ADGRL3: variants seen among roughly 807,000 people sequenced by gnomAD.
The protein encoded by ADGRL3 is calcium-independent alpha-latrotoxin receptor 3.
In ADGRL3, 62 loss-of-function variants were observed where a neutral mutation model predicts 153.5. The ratio of observed to expected loss-of-function variants is 0.40; its 90% CI spans 0.33 to 0.50. ADGRL3 has a LOEUF of 0.50. ADGRL3 is among the 20% of genes least tolerant of loss of function. ADGRL3 has a pLI of 0.47. For synonymous variants in ADGRL3, 710 were observed against 672.5 expected (o/e 1.06, Z -0.86); for missense variants, 1,641 against 1,859.4 (o/e 0.88, Z 2.16).
At chr4:61,899,035 C>A (rs892166226) in intron 11 of ADGRL3, among the ~76,000 whole-genome samples, 3 of 152,070 alleles carry the variant, frequency 2.0e-5, no homozygotes, top group African/African-American at 7.2e-5. Flanking sequence ...TCCCAGGTAG[C>A]CTTCTCCTGT....
At chr4:61,695,964 T>C (rs2095635532) in intron 6 of ADGRL3, among the ~76,000 whole-genome samples, 1 of 152,108 alleles carries the variant, frequency 6.6e-6, no homozygotes, top group African/African-American at 2.4e-5. Context: ...TCCTCACCTC[T>C]CTCAGCCTTC....
chr4:61,317,640 T>A (rs73825110), intron 1 of ADGRL3, among the ~76,000 whole-genome samples: 5,008 of 152,200 alleles, frequency 0.033, 165 homozygotes, highest in African/African-American at 0.082. Flanking sequence ...GAAATGTGAA[T>A]GAAGATTAGT....
At chr4:62,048,340 G>T (rs535025477) in intron 25 of ADGRL3, among the ~76,000 whole-genome samples, 4 of 151,962 alleles carry the variant, frequency 2.6e-5, no homozygotes, top group Non-Finnish European at 5.9e-5. Flanking sequence ...TCAGCTCACT[G>T]CAACCTCCAT....
chr4:61,482,403 C>A (rs1476174364), intron 2 of ADGRL3, among the ~76,000 whole-genome samples: 1 of 152,110 alleles, frequency 6.6e-6, no homozygotes, highest in Non-Finnish European at 1.5e-5. Flanking sequence ...CCATCACAGT[C>A]AATCTGTGTT....
chr4:61,493,373 A>G (rs953127520), intron 2 of ADGRL3, among the ~76,000 whole-genome samples: 32 of 152,202 alleles, frequency 2.1e-4, no homozygotes, highest in Admixed American at 1.4e-3. Context: ...GTCCGAGTAG[A>G]GATGGCTCTA....
chr4:61,225,578 C>A (rs115659680), intron 1 of ADGRL3, among the ~76,000 whole-genome samples: 2,149 of 152,150 alleles, frequency 0.014, 52 homozygotes, highest in African/African-American at 0.048. Context: ...GTCCCAATAC[C>A]ATAGTCAAGA....
intron 21 of ADGRL3, among the ~76,000 whole-genome samples, chr4:62,006,796 T>C (rs2099160943): frequency 6.6e-6 from 1 of 152,006 alleles, no homozygotes; most frequent in African/African-American, 2.4e-5. Flanking sequence ...GAGCAAACAA[T>C]TGAAATGGTG....
chr4:61,945,864 C>T (rs996084674), intron 15 of ADGRL3, among the ~76,000 whole-genome samples: 2 of 152,064 alleles, frequency 1.3e-5, no homozygotes, highest in African/African-American at 4.8e-5. Flanking sequence ...GAACCCGGTA[C>T]CTCAGATGGA....
At position 61,470,575 on chromosome 4, in the gene ADGRL3, T is replaced by G. The variant is rs185542371; in HGVS notation, c.-173-26546T>G. Among the ~76,000 whole-genome samples the G allele has an allele frequency of 2.9e-4, 44 of 152,106 alleles. No individual in the cohort carries two copies. In the East Asian group the frequency reaches 7.7e-3, roughly 27 times the overall value. On this transcript the variant is annotated intron_variant, in intron 2 of 26. Transcript: ENST00000683033. ...TTGTTTTAAAATTTTGAATTATGAC[T>G]TCGAATATAAATATATGCTGCAGGA...
chr4:61,416,170 C>T (rs574005314), intron 2 of ADGRL3, among the ~76,000 whole-genome samples: 1 of 151,910 alleles, frequency 6.6e-6, no homozygotes, highest in Non-Finnish European at 1.5e-5. Context: ...TGCTATATGA[C>T]ATTGTTAATT....
intron 5 of ADGRL3, among the ~76,000 whole-genome samples, chr4:61,617,540 A>G (rs2092135069): frequency 6.6e-6 from 1 of 152,162 alleles, no homozygotes; most frequent in Admixed American, 6.6e-5. Context: ...GATTTTTCCC[A>G]AAATTACTGC....
At chr4:61,440,203 C>G (rs1475430563) in intron 2 of ADGRL3, among the ~76,000 whole-genome samples, 1 of 152,060 alleles carries the variant, frequency 6.6e-6, no homozygotes, top group Non-Finnish European at 1.5e-5. Context: ...CATGCGCCAC[C>G]ACACCTGGCT....
chr4:61,953,125 A>G (rs1225702280), intron 17 of ADGRL3, among the ~76,000 whole-genome samples: 3 of 152,194 alleles, frequency 2.0e-5, no homozygotes, highest in Non-Finnish European at 4.4e-5. Flanking sequence ...ACACTAACCA[A>G]ACTTACCTTA....
intron 2 of ADGRL3, among the ~76,000 whole-genome samples, chr4:61,445,653 G>T (rs987158431): frequency 6.6e-5 from 10 of 152,156 alleles, no homozygotes; most frequent in African/African-American, 2.2e-4. Context: ...CTCCTTCATT[G>T]TAGATCCTTT....
chr4:61,585,853 C>A (rs1402883703), intron 4 of ADGRL3, among the ~76,000 whole-genome samples: 3 of 151,936 alleles, frequency 2.0e-5, no homozygotes, highest in Non-Finnish European at 2.9e-5. Context: ...CAGCAAACAT[C>A]TAAACTTAAA....
chr4:61,914,977 C>A (rs2098738502), intron 13 of ADGRL3, among the ~76,000 whole-genome samples: 1 of 151,898 alleles, frequency 6.6e-6, no homozygotes, highest in Non-Finnish European at 1.5e-5. Flanking sequence ...AACTTAAAAA[C>A]CAGAGTGAAA....
chr4:61,492,217 T>C (rs2098266579), intron 2 of ADGRL3, among the ~76,000 whole-genome samples: 1 of 152,098 alleles, frequency 6.6e-6, no homozygotes, highest in Non-Finnish European at 1.5e-5. Context: ...TGAGTAAATA[T>C]GCAAAATAAG....
intron 2 of ADGRL3, among the ~76,000 whole-genome samples, chr4:61,492,565 A>G (rs888478321): frequency 6.6e-6 from 1 of 152,148 alleles, no homozygotes; most frequent in African/African-American, 2.4e-5. Context: ...TGAAAAGAAG[A>G]GAATATTAAA....
chr4:61,717,274 A>T (rs2096138768), intron 6 of ADGRL3, among the ~76,000 whole-genome samples: 1 of 151,402 alleles, frequency 6.6e-6, no homozygotes, highest in Admixed American at 6.6e-5. Flanking sequence ...TTGAGATTTC[A>T]TTTAAAACAT....
Sources: allele counts gnomAD v4.1 joint callset (sites outside exome capture counted in the v4.1 genomes callset), GRCh38; gene constraint gnomAD v4.1.1; transcripts MANE v1.5; gene names NCBI Gene and HGNC (gene_info 2026-07-23, HGNC 2026-07-21).